The following PCED1B variants were observed in gnomAD, a reference collection of about 807,000 sequenced individuals.
PCED1B encodes the protein PC-esterase domain-containing protein 1B.
For missense variants in PCED1B, 573 were observed against 573.9 expected (o/e 1.00, Z 0.02); for synonymous variants, 251 against 246.1 (o/e 1.02, Z -0.19).
rs189334636 is a variant in PCED1B at position 47,210,060 on chromosome 12, G to A, written c.-525-6162G>A. On this transcript the variant is annotated intron_variant, in intron 2 of 3. Coordinates refer to ENST00000546455, the MANE Select transcript of PCED1B (RefSeq NM_138371.3). ...TTGAGATTTCTGTCTTGGGGTAACC[G>A]GGTGGATATTGATTTCATTTACTGA... is the stretch of plus-strand genomic sequence containing the variant. 5.3e-5 allele frequency: 8 copies of A among 152,328 alleles called. No individual in the cohort carries two copies. In the East Asian group the frequency reaches 9.6e-4, roughly 18 times the overall value. 9.4% of individuals were successfully genotyped at this position (152,328 alleles called of 1,614,324 possible). A position where few individuals can be genotyped will look rare whatever the true frequency, so the allele number is the denominator to read the frequency against.
intron 2 of PCED1B, among the ~76,000 whole-genome samples, chr12:47,184,126 CT>C (rs1375630557): frequency 1.8e-4 from 27 of 152,274 alleles, no homozygotes; most frequent in Non-Finnish European, 1.3e-4. Context: ...ATTCTCCCAC[CT>C]TGGCCCTCCC....
intron 2 of PCED1B, among the ~76,000 whole-genome samples, chr12:47,185,497 A>C (rs1942226393): frequency 6.6e-6 from 1 of 152,298 alleles, no homozygotes; most frequent in Admixed American, 6.5e-5. Flanking sequence ...ATTAGACTGC[A>C]TATTAGAGTG....
intron 2 of PCED1B, among the ~76,000 whole-genome samples, chr12:47,110,636 G>T (rs1438056700): frequency 6.6e-6 from 1 of 152,158 alleles, no homozygotes; most frequent in Non-Finnish European, 1.5e-5. Flanking sequence ...AAGAGAAGCA[G>T]CCTCATCTTG....
intron 2 of PCED1B, among the ~76,000 whole-genome samples, chr12:47,115,103 G>A (rs1015817029): frequency 2.6e-5 from 4 of 152,176 alleles, no homozygotes; most frequent in Admixed American, 2.0e-4. Flanking sequence ...CCTGGACACA[G>A]GTTATCAATA....
intron 2 of PCED1B, among the ~76,000 whole-genome samples, chr12:47,190,806 G>A (rs565735305): frequency 6.2e-4 from 94 of 152,284 alleles, no homozygotes; most frequent in African/African-American, 1.6e-3. Context: ...ATGAGGGTGC[G>A]AGAGGCACCT....
At chr12:47,105,906 T>G (rs993423054) in intron 2 of PCED1B, among the ~76,000 whole-genome samples, 1 of 152,254 alleles carries the variant, frequency 6.6e-6, no homozygotes, top group African/African-American at 2.4e-5. Context: ...GACTTCATTT[T>G]CTTGTGAGTG....
chr12:47,081,870 CAGGA>C (rs1937743202), intron 1 of PCED1B, among the ~76,000 whole-genome samples: 1 of 152,088 alleles, frequency 6.6e-6, no homozygotes, highest in Admixed American at 6.5e-5. Context: ...AAAATGGAAA[CAGGA>C]AGGTTATATT....
chr12:47,212,364 T>G (rs912413416), intron 2 of PCED1B, among the ~76,000 whole-genome samples: 1 of 152,150 alleles, frequency 6.6e-6, no homozygotes, highest in African/African-American at 2.4e-5. Context: ...TGCTAAATAA[T>G]GTAAGACCCA....
intron 2 of PCED1B, among the ~76,000 whole-genome samples, chr12:47,129,835 C>T (rs1204730941): frequency 6.6e-6 from 1 of 152,218 alleles, no homozygotes; most frequent in Non-Finnish European, 1.5e-5. Flanking sequence ...TAGTAGGCAT[C>T]TGTCCATTAC....
rs550304046 is a variant in PCED1B, at chr12:47,226,850, C to T, written c.-57-8157C>T. Reference sequence around the variant, plus strand: ...AAATGATCGCTGATCTGGCCATTTTCGAATCCTTTTTTTGTTTTATTTTTT... The same window carrying T: ...AAATGATCGCTGATCTGGCCATTTTTGAATCCTTTTTTTGTTTTATTTTTT... On this transcript the variant is annotated intron_variant, in intron 3 of 3. Transcript: ENST00000546455. Among the ~76,000 whole-genome samples, 132 of 152,178 alleles carry T rather than the reference C, an allele frequency of 8.7e-4. 3 individuals carry two copies. Among genetic ancestry groups the T allele is most frequent in the Middle Eastern group, 6.8e-3 (2 of 294 alleles).
intron 2 of PCED1B, among the ~76,000 whole-genome samples, chr12:47,180,671 T>C (rs1341888679): frequency 6.6e-6 from 1 of 152,088 alleles, no homozygotes; most frequent in Non-Finnish European, 1.5e-5. Context: ...ACCTATAGAA[T>C]GGGAGAACAT....
At chr12:47,180,867 G>A (rs1016952451) in intron 2 of PCED1B, among the ~76,000 whole-genome samples, 2 of 152,070 alleles carry the variant, frequency 1.3e-5, no homozygotes, top group African/African-American at 4.8e-5. Context: ...TAACCACTGA[G>A]GTCAACTGGT....
chr12:47,217,241 A>G (rs929027796), intron 3 of PCED1B, among the ~76,000 whole-genome samples: 1 of 151,880 alleles, frequency 6.6e-6, no homozygotes, highest in African/African-American at 2.4e-5. Context: ...TCTCTAAAAA[A>G]AACTATAAAA....
chr12:47,125,175 G>A (rs1295145898), intron 2 of PCED1B, among the ~76,000 whole-genome samples: 1 of 151,822 alleles, frequency 6.6e-6, no homozygotes, highest in African/African-American at 2.4e-5. Flanking sequence ...GATTCATTTT[G>A]TGTTAATTTT....
chr12:47,227,138 GT>G (rs143600213), intron 3 of PCED1B, among the ~76,000 whole-genome samples: 2,220 of 151,764 alleles, frequency 0.015, 55 homozygotes, highest in African/African-American at 0.051. Context: ...AGGTTTTTCT[GT>G]TTGTTTGTTT....
intron 3 of PCED1B, among the ~76,000 whole-genome samples, chr12:47,231,480 A>C (rs1943806331): frequency 6.6e-6 from 1 of 152,134 alleles, no homozygotes; most frequent in Admixed American, 6.5e-5. Flanking sequence ...TCACTTCTTA[A>C]GTCACTGGAA....
chr12:47,192,140 A>C (rs1291068842), intron 2 of PCED1B, among the ~76,000 whole-genome samples: 1 of 121,528 alleles, frequency 8.2e-6, no homozygotes, highest in African/African-American at 3.2e-5. Context: ...TGCTTTAACT[A>C]TTTCAAAAAT....
intron 2 of PCED1B, among the ~76,000 whole-genome samples, chr12:47,149,265 G>A (rs1225729827): frequency 6.6e-6 from 1 of 152,130 alleles, no homozygotes; most frequent in African/African-American, 2.4e-5. Context: ...CACCTTAAGT[G>A]CTTTCCCTCC....
chr12:47,206,390 G>A (rs1274548054), intron 2 of PCED1B: 1 of 152,178 alleles, frequency 6.6e-6, no homozygotes, highest in Non-Finnish European at 1.5e-5. Flanking sequence ...GAATGAACAA[G>A]GACAGCTTGG....
Sources: gnomAD v4.1 joint callset for allele counts (sites outside exome capture counted in the v4.1 genomes callset) on GRCh38, gnomAD v4.1.1 for gene constraint, MANE v1.5 for transcripts, NCBI Gene and HGNC (gene_info 2026-07-23, HGNC 2026-07-21) for gene names.